The following SNX6 variants were observed in gnomAD, a reference collection of about 807,000 sequenced individuals.
SNX6 encodes the protein sorting nexin 6.
A neutral mutation model predicts 63.0 loss-of-function variants in SNX6; 34 were observed. The ratio of observed to expected loss-of-function variants is 0.54; its 90% CI spans 0.41 to 0.72. SNX6 has a LOEUF of 0.72. Ranked by LOEUF, SNX6 falls within the 30% of genes least tolerant of loss-of-function variation. SNX6 has a pLI of 0.00. For missense variants in SNX6, 398 were observed against 471.4 expected, an observed-to-expected ratio of 0.84 and a Z score of 1.44; for synonymous variants, 170 against 164.2, an observed-to-expected ratio of 1.04 and a Z score of -0.27.
At chr14:34,625,821 C>T (rs1413853153) in intron 2 of SNX6, among the ~76,000 whole-genome samples, 2 of 152,162 alleles carry the variant, frequency 1.3e-5, no homozygotes, top group Admixed American at 1.3e-4. Flanking sequence ...GTTTTCAATA[C>T]TGTGTATTCC....
At chr14:34,582,065 G>A (rs1214418923) in intron 9 of SNX6, among the ~76,000 whole-genome samples, 2 of 151,484 alleles carry the variant, frequency 1.3e-5, no homozygotes, top group Non-Finnish European at 2.9e-5. Flanking sequence ...TTGACCTCGT[G>A]ATCCGCCCGC....
chr14:34,610,633 T>C (rs1387840433), intron 2 of SNX6, among the ~76,000 whole-genome samples: 2 of 152,176 alleles, frequency 1.3e-5, no homozygotes, highest in African/African-American at 2.4e-5. Context: ...AAACTACATT[T>C]GAAGAAATAA....
At chr14:34,565,323 C>T (rs557814915) in intron 13 of SNX6, among the ~76,000 whole-genome samples, 53 of 151,782 alleles carry the variant, frequency 3.5e-4, no homozygotes, top group African/African-American at 1.2e-3. Flanking sequence ...GTGATCTGCC[C>T]GCCTTGGCCT....
At chr14:34,587,680 T>C (rs962533819) in intron 8 of SNX6, among the ~76,000 whole-genome samples, 1 of 151,486 alleles carries the variant, frequency 6.6e-6, no homozygotes, top group Non-Finnish European at 1.5e-5. Flanking sequence ...TGCTCAGGCA[T>C]GAGCACGGTG....
At chr14:34,615,795 C>T (rs1225870367) in intron 2 of SNX6, among the ~76,000 whole-genome samples, 1 of 152,004 alleles carries the variant, frequency 6.6e-6, no homozygotes, top group African/African-American at 2.4e-5. Context: ...TGGCCTAAGT[C>T]CTATTTCTAA....
At chr14:34,619,507 G>A (rs556540886) in intron 2 of SNX6, among the ~76,000 whole-genome samples, 16 of 152,024 alleles carry the variant, frequency 1.1e-4, no homozygotes, top group African/African-American at 3.4e-4. Flanking sequence ...AGTAATATGC[G>A]GCTATTTAAT....
intron 2 of SNX6, among the ~76,000 whole-genome samples, chr14:34,620,981 C>G (rs942218900): frequency 6.6e-6 from 1 of 152,156 alleles, no homozygotes; most frequent in Non-Finnish European, 1.5e-5. Flanking sequence ...GGGCGTCTCA[C>G]TCTGTCACCC....
intron 13 of SNX6, among the ~76,000 whole-genome samples, chr14:34,564,985 AAATG>A (rs949557074): frequency 9.2e-5 from 14 of 152,198 alleles, no homozygotes; most frequent in Non-Finnish European, 1.5e-4. Context: ...CCACAAGCAT[AAATG>A]AATGAACTTG....
intron 10 of SNX6, among the ~76,000 whole-genome samples, chr14:34,576,452 A>ATAT (rs1274675434): frequency 5.1e-4 from 32 of 63,162 alleles, no homozygotes; most frequent in Non-Finnish European, 1.1e-3. Flanking sequence ...ATATATATAT[A>ATAT]TTTTTTTTTT....
At chr14:34,568,683 T>G in intron 11 of SNX6, 1 of 929,428 alleles carries the variant, frequency 1.1e-6, no homozygotes, top group Admixed American at 1.8e-5. Context: ...CCCAGCATGG[T>G]TTGTTCTAAT....
At chr14:34,573,109 G>A (rs1464745361) in intron 11 of SNX6, among the ~76,000 whole-genome samples, 2 of 152,024 alleles carry the variant, frequency 1.3e-5, no homozygotes, top group Non-Finnish European at 2.9e-5. Context: ...AGCCTCCCCT[G>A]GGACTACGGG....
chr14:34,575,596 C>A (rs953697997), intron 11 of SNX6, 160 bp downstream of exon 11: 1 of 362,176 alleles, frequency 2.8e-6, no homozygotes, highest in Non-Finnish European at 5.2e-6. Context: ...TACAATTATA[C>A]ACATATATAC....
intron 2 of SNX6, among the ~76,000 whole-genome samples, chr14:34,628,214 C>T (rs942159226): frequency 6.6e-6 from 1 of 151,520 alleles, no homozygotes; most frequent in Non-Finnish European, 1.5e-5. Context: ...AATCCCAGCA[C>T]TTTGGGAGGC....
At chr14:34,586,166 G>A in intron 9 of SNX6, 64 bp downstream of exon 9, 2 of 998,442 alleles carry the variant, frequency 2.0e-6, no homozygotes, top group Non-Finnish European at 3.1e-6. Flanking sequence ...CTCCCAAAGT[G>A]CTGGGATTAC....
chr14:34,602,660 G>C (rs1486124844), intron 6 of SNX6, among the ~76,000 whole-genome samples: 1 of 151,232 alleles, frequency 6.6e-6, no homozygotes, highest in East Asian at 2.0e-4. Context: ...AACTACTCTT[G>C]CCTTTTCCAA....
chr14:34,580,127 C>T (rs1463682068), intron 10 of SNX6, among the ~76,000 whole-genome samples: 2 of 152,050 alleles, frequency 1.3e-5, no homozygotes, highest in Non-Finnish European at 2.9e-5. Flanking sequence ...TGCAATGAGC[C>T]GAGATCGTGC....
At chr14:34,577,635 A>G (rs1289044905) in intron 10 of SNX6, among the ~76,000 whole-genome samples, 1 of 152,154 alleles carries the variant, frequency 6.6e-6, no homozygotes, top group Admixed American at 6.6e-5. Flanking sequence ...GACGGGACAG[A>G]GGATGAAAAG....
chr14:34,568,963 G>A (rs573242151), intron 11 of SNX6: 42 of 1,396,224 alleles, frequency 3.0e-5, no homozygotes, highest in East Asian at 2.3e-4. Flanking sequence ...AGCAGCTCGC[G>A]TGTACAACCA....
At chr14:34,588,253 C>T (rs923367665) in intron 8 of SNX6, among the ~76,000 whole-genome samples, 7 of 152,022 alleles carry the variant, frequency 4.6e-5, no homozygotes, top group Non-Finnish European at 1.0e-4. Flanking sequence ...GTGATCGGCC[C>T]GCCTTAGCTT....
Sources: allele counts gnomAD v4.1 joint callset (sites outside exome capture counted in the v4.1 genomes callset), GRCh38; gene constraint gnomAD v4.1.1; transcripts MANE v1.5; gene names NCBI Gene and HGNC (gene_info 2026-07-23, HGNC 2026-07-21).